Variants in CSMD1 observed in about 807,000 individuals in gnomAD.
CSMD1 encodes CUB and Sushi multiple domains 1.
In CSMD1, 213 loss-of-function variants were observed where a neutral mutation model predicts 417.5. The ratio of observed to expected loss-of-function variants is 0.51; its 90% CI spans 0.46 to 0.57. The LOEUF (loss-of-function observed/expected upper bound fraction) is 0.57. Ranked by LOEUF, CSMD1 falls within the 20% of genes least tolerant of loss-of-function variation. The pLI, the probability that CSMD1 is intolerant of heterozygous loss-of-function variation, is 0.00. For missense variants in CSMD1, 6,923 were observed against 4,529.7 expected (o/e 1.53, Z -15.17); for synonymous variants, 2,862 against 1,736.8 (o/e 1.65, Z -16.11).
intron 3 of CSMD1, among the ~76,000 whole-genome samples, chr8:4,149,299 G>A (rs1796445444): frequency 6.6e-6 from 1 of 152,058 alleles, no homozygotes; most frequent in Non-Finnish European, 1.5e-5. Context: ...GTAAAGATAA[G>A]CTTTCACATA....
At chr8:4,296,703 T>TC (rs958460142) in intron 3 of CSMD1, among the ~76,000 whole-genome samples, 1 of 149,406 alleles carries the variant, frequency 6.7e-6, no homozygotes, top group Non-Finnish European at 1.5e-5. Context: ...AGGGTTTTTT[T>TC]TTTTTTTTTT....
At chr8:4,903,952 T>A (rs1254411012) in intron 1 of CSMD1, among the ~76,000 whole-genome samples, 1 of 152,238 alleles carries the variant, frequency 6.6e-6, no homozygotes, top group Admixed American at 6.5e-5. Flanking sequence ...TTTGCTATTA[T>A]AATTTAAATA....
intron 2 of CSMD1, among the ~76,000 whole-genome samples, chr8:4,481,829 G>A (rs1464858745): frequency 6.6e-6 from 1 of 152,126 alleles, no homozygotes; most frequent in South Asian, 2.1e-4. Context: ...ATAATCCCAG[G>A]AGGTAGGTAC....
At chr8:4,731,025 A>C (rs1294713879) in intron 1 of CSMD1, among the ~76,000 whole-genome samples, 1 of 152,142 alleles carries the variant, frequency 6.6e-6, no homozygotes, top group East Asian at 1.9e-4. Context: ...TAGGCCCAAG[A>C]CGCTAACGAA....
At chr8:4,793,835 GA>G (rs35760193) in intron 1 of CSMD1, among the ~76,000 whole-genome samples, 28,530 of 132,298 alleles carry the variant, frequency 0.22, 3,117 homozygotes, top group East Asian at 0.32. Flanking sequence ...CCCAGAATAG[GA>G]AAAAAAAAAA....
At chr8:3,422,564 A>T (rs1813562070) in intron 12 of CSMD1, among the ~76,000 whole-genome samples, 1 of 152,198 alleles carries the variant, frequency 6.6e-6, no homozygotes, top group Non-Finnish European at 1.5e-5. Context: ...AAGACAAAAC[A>T]GTAAATTTTG....
intron 5 of CSMD1, among the ~76,000 whole-genome samples, chr8:3,967,710 G>C (rs1005983478): frequency 1.1e-4 from 17 of 152,142 alleles, no homozygotes; most frequent in Admixed American, 3.3e-4. Context: ...AATAAGGGAA[G>C]TGGGCAAGAG....
At chr8:4,761,455 G>A (rs765587781) in intron 1 of CSMD1, among the ~76,000 whole-genome samples, 12 of 151,772 alleles carry the variant, frequency 7.9e-5, no homozygotes, top group Non-Finnish European at 1.5e-4. Flanking sequence ...AATTTTACCT[G>A]TTTCCTTTAT....
chr8:4,264,272 C>T (rs1400450474), intron 3 of CSMD1, among the ~76,000 whole-genome samples: 1 of 152,108 alleles, frequency 6.6e-6, no homozygotes, highest in Non-Finnish European at 1.5e-5. Flanking sequence ...TCAAACATTG[C>T]TATAGTAACA....
At chr8:3,415,180 T>G (rs1056069620) in intron 12 of CSMD1, among the ~76,000 whole-genome samples, 1 of 152,254 alleles carries the variant, frequency 6.6e-6, no homozygotes, top group African/African-American at 2.4e-5. Flanking sequence ...GCATGTTATT[T>G]TGAAATATGT....
At chr8:4,273,273 C>T (rs950843826) in intron 3 of CSMD1, among the ~76,000 whole-genome samples, 2 of 152,076 alleles carry the variant, frequency 1.3e-5, no homozygotes, top group Non-Finnish European at 2.9e-5. Context: ...TATTAGTTCA[C>T]AAATGAATGT....
intron 3 of CSMD1, among the ~76,000 whole-genome samples, chr8:4,135,681 G>T (rs376354494): frequency 6.6e-6 from 1 of 152,060 alleles, no homozygotes; most frequent in African/African-American, 2.4e-5. Flanking sequence ...TGGATATTTT[G>T]CTTATTAGTC....
At chr8:4,860,742 G>A (rs79589696) in intron 1 of CSMD1, among the ~76,000 whole-genome samples, 8 of 152,064 alleles carry the variant, frequency 5.3e-5, no homozygotes, top group Non-Finnish European at 8.8e-5. Context: ...AGTGCTCTTC[G>A]TATGGGCATA....
At chr8:3,529,547 C>T (rs1254887077) in intron 10 of CSMD1, among the ~76,000 whole-genome samples, 1 of 152,116 alleles carries the variant, frequency 6.6e-6, no homozygotes, top group Non-Finnish European at 1.5e-5. Context: ...ATTTAACTAC[C>T]TTTTCCAAGA....
chr8:4,166,784 A>G (rs1797481954), intron 3 of CSMD1, among the ~76,000 whole-genome samples: 1 of 152,238 alleles, frequency 6.6e-6, no homozygotes, highest in Non-Finnish European at 1.5e-5. Context: ...TAGCCCTACC[A>G]AAATGATCAG....
chr8:3,602,039 G>T (rs1334941939), intron 8 of CSMD1, among the ~76,000 whole-genome samples: 2 of 152,250 alleles, frequency 1.3e-5, no homozygotes, highest in African/African-American at 2.4e-5. Context: ...TTTCAGTTTT[G>T]CAGGATAAAA....
At chr8:4,585,965 A>C (rs887296058) in intron 2 of CSMD1, among the ~76,000 whole-genome samples, 3 of 152,216 alleles carry the variant, frequency 2.0e-5, no homozygotes, top group Admixed American at 1.3e-4. Flanking sequence ...TATATTAGCA[A>C]AATAATTTGA....
chr8:3,584,321 A>G (rs955502143), intron 9 of CSMD1, among the ~76,000 whole-genome samples: 5 of 152,152 alleles, frequency 3.3e-5, no homozygotes, highest in African/African-American at 9.7e-5. Flanking sequence ...AGAAAACTAA[A>G]CCAAACACAC....
At chr8:3,507,899 G>T (rs1044877951) in intron 10 of CSMD1, among the ~76,000 whole-genome samples, 1 of 151,974 alleles carries the variant, frequency 6.6e-6, no homozygotes, top group Non-Finnish European at 1.5e-5. Flanking sequence ...TGTAGATTCT[G>T]GATATTAGCC....
Sources: allele counts gnomAD v4.1 joint callset (sites outside exome capture counted in the v4.1 genomes callset), GRCh38; gene constraint gnomAD v4.1.1; transcripts MANE v1.5; gene names NCBI Gene and HGNC (gene_info 2026-07-23, HGNC 2026-07-21).